FNIP1: variants seen among roughly 807,000 people sequenced by gnomAD.
FNIP1 encodes the protein folliculin-interacting protein 1.
A neutral mutation model predicts 124.5 loss-of-function variants in FNIP1; 40 were observed. That is an observed-to-expected ratio of 0.32 (90% CI 0.25 to 0.42). The LOEUF is 0.42. Ranked by LOEUF, FNIP1 falls within the 10% of genes least tolerant of loss-of-function variation. The pLI is 1.00. For synonymous variants in FNIP1, 472 were observed against 470.6 expected, an observed-to-expected ratio of 1.00 and a Z score of -0.04; for missense variants, 1,176 against 1,403.7, an observed-to-expected ratio of 0.84 and a Z score of 2.59.
At chr5:131,682,708 C>A (rs928378143) in intron 11 of FNIP1, among the ~76,000 whole-genome samples, 29 of 150,210 alleles carry the variant, frequency 1.9e-4, no homozygotes, top group Non-Finnish European at 3.5e-4. Flanking sequence ...TAGAGCAAGA[C>A]TCCGTCTCAA....
At chr5:131,749,868 T>C (rs1347088223) in intron 1 of FNIP1, among the ~76,000 whole-genome samples, 1 of 152,132 alleles carries the variant, frequency 6.6e-6, no homozygotes, top group Non-Finnish European at 1.5e-5. Context: ...AGGTGTGTAG[T>C]AGACTATACC....
Position 131,796,929 on chromosome 5 carries a change from A to C in FNIP1, c.-8T>G, listed in dbSNP as rs746323645. Reference sequence around the variant, plus strand: ...GAACAGCGTAGGGGCCATGCTAGCCACGGCCAGGCAGGGGTCGCTCCGCTG... The same window carrying C: ...GAACAGCGTAGGGGCCATGCTAGCCCCGGCCAGGCAGGGGTCGCTCCGCTG... On this transcript the variant is annotated 5_prime_UTR_variant, in exon 1 of 18. Coordinates refer to ENST00000510461, the MANE Select transcript of FNIP1 (RefSeq NM_133372.3). 2.5e-6 allele frequency: 4 copies of C among 1,596,662 alleles called. No individual in the cohort carries two copies. The East Asian group carries it at 9.1e-5, about 36-fold the overall frequency.
chr5:131,671,808 T>G lies in FNIP1; in HGVS notation c.2636A>C (p.Lys879Thr). ...FSKILCTKNN[K>T]QNNEFCKCIE... Reference sequence around the variant, plus strand: ...ACATTTACAAAATTCATTGTTCTGCTTGTTATTTTTTGTACACAATATTTT... The same window carrying G: ...ACATTTACAAAATTCATTGTTCTGCGTGTTATTTTTTGTACACAATATTTT... Residue 879 changes from lysine (K) to threonine (T), a missense_variant, in exon 14 of 18, where the codon AAG (lysine) becomes ACG (threonine). Lys to Thr is a moderately conservative substitution (Grantham distance 78). Coordinates refer to ENST00000510461, the MANE Select transcript of FNIP1 (RefSeq NM_133372.3). The G allele has an allele frequency of 6.2e-7, 1 of 1,614,030 alleles. No homozygotes were observed. The highest frequency in any genetic ancestry group is 8.5e-7 in the Non-Finnish European group (1 of 1,179,980).
At chr5:131,755,521 T>C (rs960092621) in intron 1 of FNIP1, among the ~76,000 whole-genome samples, 1 of 151,160 alleles carries the variant, frequency 6.6e-6, no homozygotes, top group Non-Finnish European at 1.5e-5. Context: ...TGACACACAA[T>C]TGGTAGTGAA....
At chr5:131,661,218 T>TGTGTGTGTG (rs879888252) in intron 15 of FNIP1, among the ~76,000 whole-genome samples, 2 of 10,952 alleles carry the variant, frequency 1.8e-4, no homozygotes, top group African/African-American at 5.6e-4. Flanking sequence ...CTTGTCTTTG[T>TGTGTGTGTG]TTTGTGTGTG....
At chr5:131,744,488 A>G (rs1770607891) in intron 2 of FNIP1, 76 bp downstream of exon 2, 1 of 1,407,994 alleles carries the variant, frequency 7.1e-7, no homozygotes, top group Non-Finnish European at 9.6e-7. Context: ...CTCAGCCCCA[A>G]TTATCCAGTT....
At chr5:131,668,188 T>C (rs1433903466) in intron 15 of FNIP1, among the ~76,000 whole-genome samples, 1 of 152,192 alleles carries the variant, frequency 6.6e-6, no homozygotes, top group Non-Finnish European at 1.5e-5. Flanking sequence ...ACAGTCTCAA[T>C]AAATTTACAA....
chr5:131,703,168 C>A (rs778691200), intron 10 of FNIP1, among the ~76,000 whole-genome samples: 5 of 152,192 alleles, frequency 3.3e-5, no homozygotes, highest in Non-Finnish European at 5.9e-5. Context: ...TAGAGTCAAC[C>A]TTAATGATTA....
intron 2 of FNIP1, among the ~76,000 whole-genome samples, chr5:131,735,466 T>TATTTTTATATATATAC (rs1350210269): frequency 1.3e-5 from 2 of 148,918 alleles, no homozygotes; most frequent in South Asian, 4.2e-4. Flanking sequence ...TTTATATATA[T>TATTTTTATATATATAC]ACACACATAC....
At chr5:131,746,785 T>C (rs1382695704) in intron 1 of FNIP1, among the ~76,000 whole-genome samples, 5 of 152,196 alleles carry the variant, frequency 3.3e-5, no homozygotes, top group Admixed American at 2.6e-4. Flanking sequence ...CTTTTGGATA[T>C]ATACTCAGTA....
chr5:131,768,581 G>A lies in FNIP1; in HGVS notation c.93-23891C>T, dbSNP rs376166979. Among the ~76,000 whole-genome samples the A allele has an allele frequency of 1.4e-4, 21 of 152,090 alleles. No individual in the cohort carries two copies. In the East Asian group the frequency reaches 1.7e-3, roughly 13 times the overall value. ...TCCCAGCACTTTGGGAGGCTGATGC[G>A]GTTGGACCACCTGAGGTCAGGAGTT... is the stretch of plus-strand genomic sequence containing the variant. On this transcript the variant is annotated intron_variant, in intron 1 of 17. Coordinates refer to ENST00000510461, the MANE Select transcript of FNIP1 (RefSeq NM_133372.3).
At chr5:131,695,533 C>T (rs1234994483) in intron 11 of FNIP1, among the ~76,000 whole-genome samples, 1 of 152,134 alleles carries the variant, frequency 6.6e-6, no homozygotes, top group Admixed American at 6.5e-5. Flanking sequence ...TGGATAGTAT[C>T]AGAAGATGCA....
intron 1 of FNIP1, among the ~76,000 whole-genome samples, chr5:131,757,332 G>A (rs922910252): frequency 1.3e-5 from 2 of 152,084 alleles, no homozygotes; most frequent in African/African-American, 4.8e-5. Flanking sequence ...TAGATGTATG[G>A]GCTGCTTAAG....
rs1771413996 is a variant in FNIP1 at position 131,766,102 on chromosome 5, CTTTTT to C, written c.93-21417_93-21413del. On this transcript the variant is annotated intron_variant, in intron 1 of 17. Coordinates refer to ENST00000510461, the MANE Select transcript of FNIP1 (RefSeq NM_133372.3). ...TTTCCTCTATTCTATAGTGTTACTG[CTTTTT>C]CTTTTTTTTTTTTCTTTTGAGACAC... 2.0e-5 allele frequency among the ~76,000 whole-genome samples: 3 copies of C among 151,390 alleles called. No homozygotes were observed. The South Asian group carries it at 6.2e-4, about 31-fold the overall frequency.
intron 15 of FNIP1, among the ~76,000 whole-genome samples, chr5:131,660,734 G>A (rs1049027573): frequency 1.3e-5 from 2 of 152,142 alleles, no homozygotes; most frequent in African/African-American, 2.4e-5. Context: ...AAGAACCCCT[G>A]GGCAGTTACA....
intron 2 of FNIP1, among the ~76,000 whole-genome samples, chr5:131,738,193 A>G (rs977313623): frequency 2.0e-5 from 3 of 151,944 alleles, no homozygotes; most frequent in African/African-American, 7.3e-5. Flanking sequence ...CATTTTCTTA[A>G]TTATGGATAA....
chr5:131,762,604 G>A (rs183723403), intron 1 of FNIP1, among the ~76,000 whole-genome samples: 131 of 152,262 alleles, frequency 8.6e-4, no homozygotes, highest in African/African-American at 3.1e-3. Context: ...AATAATAAAT[G>A]CTGGTGAGGA....
At chr5:131,737,453 G>A (rs1198900019) in intron 2 of FNIP1, among the ~76,000 whole-genome samples, 1 of 152,122 alleles carries the variant, frequency 6.6e-6, no homozygotes, top group Non-Finnish European at 1.5e-5. Context: ...GACATACAGG[G>A]TTACCTCAGC....
intron 5 of FNIP1, among the ~76,000 whole-genome samples, chr5:131,718,426 C>G (rs1769543041): frequency 6.6e-6 from 1 of 152,170 alleles, no homozygotes; most frequent in Admixed American, 6.5e-5. Flanking sequence ...AAATCTCTCT[C>G]TGGGGTCTTC....
Sources: gnomAD v4.1 joint callset for allele counts (sites outside exome capture counted in the v4.1 genomes callset) on GRCh38, gnomAD v4.1.1 for gene constraint, MANE v1.5 for transcripts, NCBI Gene and HGNC (gene_info 2026-07-23, HGNC 2026-07-21) for gene names.